The following WNT7A variants were observed in gnomAD, a reference collection of about 807,000 sequenced individuals.
WNT7A encodes protein Wnt-7a.
Under a neutral mutation model 28.2 loss-of-function variants are expected in WNT7A, and 16 were observed. The observed-to-expected ratio is 0.57, with a 90% CI of 0.38 to 0.86. The LOEUF is 0.86. Ranked by LOEUF, WNT7A falls within the 40% of genes least tolerant of loss-of-function variation. The pLI, the probability that WNT7A is intolerant of heterozygous loss-of-function variation, is 0.00. For synonymous variants in WNT7A, 190 were observed against 195.9 expected (o/e 0.97, Z 0.25); for missense variants, 411 against 489.7 (o/e 0.84, Z 1.52).
intron 3 of WNT7A, among the ~76,000 whole-genome samples, chr3:13,851,008 A>G (rs959080684): frequency 2.0e-5 from 3 of 151,818 alleles, no homozygotes; most frequent in African/African-American, 7.3e-5. Flanking sequence ...TAACCCTCCC[A>G]TCGGGCAATC....
intron 3 of WNT7A, among the ~76,000 whole-genome samples, chr3:13,847,337 C>G (rs903256813): frequency 6.6e-6 from 1 of 152,206 alleles, no homozygotes; most frequent in Non-Finnish European, 1.5e-5. Context: ...CTCAGCTCCC[C>G]GACCCTGGCC....
intron 2 of WNT7A, among the ~76,000 whole-genome samples, chr3:13,868,926 AGAAG>A (rs1484583298): frequency 1.4e-5 from 2 of 147,034 alleles, no homozygotes; most frequent in Non-Finnish European, 3.0e-5. Context: ...AAGGAAGGAA[AGAAG>A]GAAGGAAGGA....
At chr3:13,851,312 G>A (rs114369900) in intron 3 of WNT7A, among the ~76,000 whole-genome samples, 1,884 of 152,282 alleles carry the variant, frequency 0.012, 36 homozygotes, top group African/African-American at 0.043. Flanking sequence ...TTAGGATCTA[G>A]CCCCTCTGCA....
chr3:13,875,199 G>T (rs368802286), intron 1 of WNT7A, 26 bp from the exon 2 acceptor site: 35 of 1,612,560 alleles, frequency 2.2e-5, no homozygotes, highest in Middle Eastern at 3.3e-4. Flanking sequence ...CAGAGAGATG[G>T]AGCATTAGGC....
At chr3:13,856,893 AAAGAAGAAGAAG>A (rs775537679) in intron 2 of WNT7A, among the ~76,000 whole-genome samples, 2,526 of 72,912 alleles carry the variant, frequency 0.035, 59 homozygotes, top group Non-Finnish European at 0.045. Flanking sequence ...AGAAGAAGAA[AAAGAAGAAGAAG>A]AAGAAGAAGA....
chr3:13,818,751 G>A lies in WNT7A; in HGVS notation c.*193C>T. 2 of 824,924 alleles carry A rather than the reference G, an allele frequency of 2.4e-6. No individual in the cohort carries two copies. Among genetic ancestry groups the A allele is most frequent in the African/African-American group, 1.7e-5 (1 of 58,088 alleles). 51.1% of individuals were successfully genotyped at this position (824,924 alleles called of 1,614,324 possible). ...TCTGGGGGAGGGTGGAGCAGCATTG[G>A]GTGTGGAACAGAATAGTTGAGGGCT... On this transcript the variant is annotated 3_prime_UTR_variant, in exon 4 of 4. Coordinates refer to ENST00000285018, the MANE Select transcript of WNT7A (RefSeq NM_004625.4).
chr3:13,877,671 A>C (rs1334459789), intron 1 of WNT7A, among the ~76,000 whole-genome samples: 3 of 150,438 alleles, frequency 2.0e-5, no homozygotes, highest in African/African-American at 7.4e-5. Context: ...TCCATGGCTA[A>C]ATTAGGGTAT....
rs546049361 is a variant in WNT7A at position 13,825,984 on chromosome 3, C to T, written c.571-6561G>A. 4.6e-5 allele frequency among the ~76,000 whole-genome samples: 7 copies of T among 152,358 alleles called. No individual in the cohort carries two copies. The East Asian group carries it at 1.3e-3, about 29-fold the overall frequency. On this transcript the variant is annotated intron_variant, in intron 3 of 3. Coordinates refer to ENST00000285018, the MANE Select transcript of WNT7A (RefSeq NM_004625.4). ...GGTCATTCACCTTGAAATCCCCCGC[C>T]TCTGATGAAGAGCCTTGTGTGCAAG...
At chr3:13,822,468 A>C (rs1224155946) in intron 3 of WNT7A, among the ~76,000 whole-genome samples, 1 of 152,258 alleles carries the variant, frequency 6.6e-6, no homozygotes, top group Non-Finnish European at 1.5e-5. Flanking sequence ...GCCAGATGCA[A>C]AAGGCCACAT....
intron 3 of WNT7A, among the ~76,000 whole-genome samples, chr3:13,848,647 A>G (rs147456581): frequency 6.6e-6 from 1 of 152,352 alleles, no homozygotes; most frequent in Non-Finnish European, 1.5e-5. Flanking sequence ...ATATAAAATG[A>G]CACACCCACT....
chr3:13,822,410 G>A (rs377475308), intron 3 of WNT7A, among the ~76,000 whole-genome samples: 5 of 152,234 alleles, frequency 3.3e-5, no homozygotes, highest in Non-Finnish European at 7.3e-5. Context: ...ACTGATACAC[G>A]CTACAACATG....
At chr3:13,870,629 C>A (rs1177448559) in intron 2 of WNT7A, among the ~76,000 whole-genome samples, 2 of 152,312 alleles carry the variant, frequency 1.3e-5, no homozygotes, top group Non-Finnish European at 2.9e-5. Flanking sequence ...GGCACACAAC[C>A]AAAAGTAAAG....
At chr3:13,852,021 T>A (rs1575067906) in intron 3 of WNT7A, among the ~76,000 whole-genome samples, 1 of 152,260 alleles carries the variant, frequency 6.6e-6, no homozygotes, top group African/African-American at 2.4e-5. Flanking sequence ...TGCAGCTTCC[T>A]TGCGGTGTTG....
chr3:13,872,325 A>G (rs1451982465), intron 2 of WNT7A, among the ~76,000 whole-genome samples: 1 of 152,130 alleles, frequency 6.6e-6, no homozygotes, highest in East Asian at 1.9e-4. Context: ...ATGCAAGTCA[A>G]TGCATAATAT....
At chr3:13,843,200 T>A (rs956919948) in intron 3 of WNT7A, among the ~76,000 whole-genome samples, 1 of 152,222 alleles carries the variant, frequency 6.6e-6, no homozygotes, top group Admixed American at 6.5e-5. Context: ...AGGAATAAGA[T>A]GTAAGAATTA....
intron 3 of WNT7A, among the ~76,000 whole-genome samples, chr3:13,850,446 CG>C (rs893698625): frequency 2.0e-5 from 3 of 151,970 alleles, no homozygotes; most frequent in Non-Finnish European, 4.4e-5. Flanking sequence ...CCGGACCAGA[CG>C]GGGCAGGGCA....
rs556069383 is a variant in WNT7A, at chr3:13,863,402, G to A, written c.299-8599C>T. ...TGAATGTGCATGTGAAAGCAAGTGT[G>A]TGTGTGTGTATGTGTATATGTGTGT... On this transcript the variant is annotated intron_variant, in intron 2 of 3. Coordinates refer to ENST00000285018, the MANE Select transcript of WNT7A (RefSeq NM_004625.4). Among the ~76,000 whole-genome samples, 10 of 33,628 alleles carry A rather than the reference G, an allele frequency of 3.0e-4. No homozygotes were observed. In the East Asian group the frequency reaches 5.4e-3, roughly 18 times the overall value. 22.1% of individuals were successfully genotyped at this position (33,628 alleles called of 152,430 possible). A position where few individuals can be genotyped will look rare whatever the true frequency, so the allele number is the denominator to read the frequency against.
chr3:13,869,558 A>G (rs1694995611), intron 2 of WNT7A, among the ~76,000 whole-genome samples: 1 of 149,322 alleles, frequency 6.7e-6, no homozygotes, highest in African/African-American at 2.5e-5. Context: ...GAAAGAAAAG[A>G]AGGAAGGAAT....
At chr3:13,824,606 A>C (rs915429731) in intron 3 of WNT7A, among the ~76,000 whole-genome samples, 1 of 152,156 alleles carries the variant, frequency 6.6e-6, no homozygotes, top group African/African-American at 2.4e-5. Flanking sequence ...GCTCCTCTGC[A>C]GCAGGGCCGA....
Sources: allele counts gnomAD v4.1 joint callset (sites outside exome capture counted in the v4.1 genomes callset), GRCh38; gene constraint gnomAD v4.1.1; transcripts MANE v1.5; gene names NCBI Gene and HGNC (gene_info 2026-07-23, HGNC 2026-07-21).